RARS2: variants seen among roughly 807,000 people sequenced by gnomAD.
RARS2 encodes arginyl-tRNA synthetase 2, mitochondrial.
Under a neutral mutation model 88.5 loss-of-function variants are expected in RARS2, and 67 were observed. The ratio of observed to expected loss-of-function variants is 0.76; its 90% CI spans 0.62 to 0.93. RARS2 has a LOEUF of 0.93. Among genes scored for constraint, RARS2 ranks in the 40% least tolerant of loss-of-function variants. The probability of loss-of-function intolerance (pLI) is 0.00; values close to 1 mark genes in which losing one functional copy is unlikely to be tolerated. For missense variants in RARS2, 664 were observed against 684.2 expected (o/e 0.97, Z 0.33); for synonymous variants, 239 against 230.3 (o/e 1.04, Z -0.34).
chr6:87,576,886 T>C (rs996958279), intron 1 of RARS2, among the ~76,000 whole-genome samples: 6 of 152,306 alleles, frequency 3.9e-5, no homozygotes, highest in Non-Finnish European at 7.4e-5. Flanking sequence ...ATGAAATAAA[T>C]GTACTTTACT....
chr6:87,583,550 T>G (rs747320802), intron 1 of RARS2, among the ~76,000 whole-genome samples: 1 of 150,878 alleles, frequency 6.6e-6, no homozygotes, highest in Non-Finnish European at 1.5e-5. Flanking sequence ...GATTGTGCCA[T>G]TGCACTCCAG....
chr6:87,529,517 C>T, intron 10 of RARS2, 25 bp downstream of exon 10: 1 of 1,357,372 alleles, frequency 7.4e-7, no homozygotes. Context: ...AATAATTTTA[C>T]TGAAGAATAG....
chr6:87,570,521 C>A (rs1282970419), intron 1 of RARS2, among the ~76,000 whole-genome samples: 2 of 152,052 alleles, frequency 1.3e-5, no homozygotes, highest in Non-Finnish European at 2.9e-5. Flanking sequence ...CGGGTTCAAG[C>A]AATTCTCCTG....
chr6:87,552,447 C>G (rs913782754), intron 5 of RARS2, among the ~76,000 whole-genome samples: 5 of 152,150 alleles, frequency 3.3e-5, no homozygotes, highest in African/African-American at 1.2e-4. Context: ...GCAAAGATGG[C>G]TGCTAGGAGA....
At position 87,513,961 on chromosome 6, in the gene RARS2, G is replaced by A. The variant is rs531534950; in HGVS notation, c.*452C>T. Among the ~76,000 whole-genome samples, 11 of 152,178 alleles carry A rather than the reference G, an allele frequency of 7.2e-5. No individual in the cohort carries two copies. The South Asian group carries it at 2.1e-3, about 29-fold the overall frequency. On this transcript the variant is annotated 3_prime_UTR_variant, in exon 20 of 20. Transcript: ENST00000369536. ...AATTCAGATAACTCATTTATTTAAG[G>A]ATAAAGACTGAATAACTTGACAAGT...
intron 8 of RARS2, among the ~76,000 whole-genome samples, chr6:87,533,303 G>C (rs1345098336): frequency 1.3e-5 from 2 of 151,932 alleles, no homozygotes; most frequent in African/African-American, 4.8e-5. Context: ...AATATTCTTA[G>C]TATTTCCGCA....
chr6:87,553,340 A>C (rs930278916), intron 5 of RARS2, among the ~76,000 whole-genome samples: 2 of 151,954 alleles, frequency 1.3e-5, no homozygotes, highest in African/African-American at 4.8e-5. Context: ...GGCCTGAAAT[A>C]CCCCTCTCTC....
chr6:87,534,190 A>T (rs1381471490), intron 8 of RARS2, among the ~76,000 whole-genome samples: 1 of 152,216 alleles, frequency 6.6e-6, no homozygotes, highest in African/African-American at 2.4e-5. Context: ...ATATAATTAA[A>T]ATTGAATGTA....
intron 2 of RARS2, 114 bp downstream of exon 2, chr6:87,569,403 T>C (rs1005115006): frequency 1.9e-5 from 15 of 789,634 alleles, no homozygotes; most frequent in Non-Finnish European, 2.4e-5. Context: ...TATCTTACAG[T>C]TAATTTCAAG....
intron 1 of RARS2, chr6:87,584,558 T>G: frequency 9.4e-6 from 3 of 319,314 alleles, no homozygotes; most frequent in South Asian, 7.4e-5. Flanking sequence ...ATCTTACAGC[T>G]GACTTGCCAA....
intron 13 of RARS2, 60 bp downstream of exon 13, chr6:87,520,120 A>T: frequency 7.4e-7 from 1 of 1,344,148 alleles, no homozygotes; most frequent in Non-Finnish European, 1.1e-6. Flanking sequence ...TTTAACCACT[A>T]GGTACATTTT....
rs1645011380 is a variant in RARS2, at chr6:87,537,689, T to C, written c.612+4229A>G. ...GCTCACTACTAACTACAACTTGATATGGAAAAAAAACAAGGGTTCCATCAA... is the reference window on the plus strand; with the variant it reads ...GCTCACTACTAACTACAACTTGATACGGAAAAAAAACAAGGGTTCCATCAA... On this transcript the variant is annotated intron_variant, in intron 8 of 19. Transcript: ENST00000369536. Among the ~76,000 whole-genome samples the C allele has an allele frequency of 2.0e-5, 3 of 152,088 alleles. No individual in the cohort carries two copies. In the South Asian group the frequency reaches 6.2e-4, roughly 32 times the overall value.
intron 4 of RARS2, among the ~76,000 whole-genome samples, chr6:87,556,767 G>T (rs1412701076): frequency 1.4e-5 from 2 of 146,910 alleles, no homozygotes; most frequent in African/African-American, 5.2e-5. Context: ...ACTCCAGCCT[G>T]GGCGCAGAGT....
intron 3 of RARS2, among the ~76,000 whole-genome samples, chr6:87,563,293 A>G (rs772146796): frequency 6.6e-6 from 1 of 152,240 alleles, no homozygotes; most frequent in African/African-American, 2.4e-5. Context: ...ACTTGAAGAG[A>G]TATCTGCTGT....
chr6:87,562,696 T>C lies in RARS2; in HGVS notation c.297+6A>G. ...GCACAATGGCTGGATATTAACTTATTCTTACCTTTGTTAAGAGCTCTCTGT... is the reference window on the plus strand; with the variant it reads ...GCACAATGGCTGGATATTAACTTATCCTTACCTTTGTTAAGAGCTCTCTGT... On this transcript the variant is annotated splice_donor_region_variant and intron_variant, in intron 4 of 19. Coordinates refer to ENST00000369536, the MANE Select transcript of RARS2 (RefSeq NM_020320.5). 6.3e-7 allele frequency: 1 copy of C among 1,593,482 alleles called. No individual in the cohort carries two copies. The highest frequency in any genetic ancestry group is 1.3e-5 in the African/African-American group (1 of 74,616).
chr6:87,515,664 A>ACTAATTAT (rs11271533), intron 18 of RARS2, among the ~76,000 whole-genome samples: 45,030 of 151,706 alleles, frequency 0.3, 7,632 homozygotes, highest in African/African-American at 0.47. Flanking sequence ...GTGGGTAGAA[A>ACTAATTAT]CTATCCACTC....
chr6:87,583,204 C>G (rs1488914495), intron 1 of RARS2, among the ~76,000 whole-genome samples: 1 of 152,172 alleles, frequency 6.6e-6, no homozygotes, highest in African/African-American at 2.4e-5. Context: ...ACTGCTGAAT[C>G]TAGATAAAGA....
intron 4 of RARS2, among the ~76,000 whole-genome samples, chr6:87,558,398 T>A (rs759454651): frequency 3.9e-5 from 6 of 152,180 alleles, no homozygotes; most frequent in Non-Finnish European, 8.8e-5. Flanking sequence ...ATCAATCACC[T>A]GTTAATCACT....
In RARS2 at chr6:87,529,584, A is replaced by G. The variant is rs757868591; in HGVS notation, c.836T>C (p.Val279Ala). The G allele has an allele frequency of 1.2e-6, 2 of 1,608,434 alleles. No individual in the cohort carries two copies. Among genetic ancestry groups the G allele is most frequent in the Non-Finnish European group, 8.5e-7 (1 of 1,174,834 alleles). The change falls in exon 10 of 20, where the codon GTC becomes GCC. Residue 279 changes from valine (V) to alanine (A), a missense_variant. Physicochemically the swap from Val to Ala is moderately conservative, Grantham distance 64 (BLOSUM62 0). Transcript: ENST00000369536. ...TCCTTTACTCTCCAGCAACTTTAAGACCTCTTGAGATTTTTCACGATAAAA... is the reference window on the plus strand; with the variant it reads ...TCCTTTACTCTCCAGCAACTTTAAGGCCTCTTGAGATTTTTCACGATAAAA... ...ESFYREKSQE[V>A]LKLLESKGLL...
Sources: gnomAD v4.1 joint callset for allele counts (sites outside exome capture counted in the v4.1 genomes callset) on GRCh38, gnomAD v4.1.1 for gene constraint, MANE v1.5 for transcripts, NCBI Gene and HGNC (gene_info 2026-07-23, HGNC 2026-07-21) for gene names.